Variants in SLC25A36 observed in about 807,000 individuals in gnomAD.
The protein encoded by SLC25A36 is epididymis secretory sperm binding protein.
In SLC25A36, 24 loss-of-function variants were observed where a neutral mutation model predicts 35.3. That is an observed-to-expected ratio of 0.68 (90% confidence interval 0.49 to 0.96). The LOEUF is 0.96. Among genes scored for constraint, SLC25A36 ranks in the 40% least tolerant of loss-of-function variants. The pLI, the probability that SLC25A36 is intolerant of heterozygous loss-of-function variation, is 0.00. For missense variants in SLC25A36, 294 were observed against 381.1 expected (o/e 0.77, Z 1.90); for synonymous variants, 141 against 132.2 (o/e 1.07, Z -0.46).
chr3:140,963,683 G>A (rs936641422), intron 4 of SLC25A36: 2 of 154,788 alleles, frequency 1.3e-5, no homozygotes, highest in African/African-American at 4.8e-5. Flanking sequence ...AAATTTTTGT[G>A]AGTGATGTAT....
chr3:140,979,767 T>C lies in SLC25A36; in HGVS notation c.*3314T>C, dbSNP rs1935142242. 1 of 152,176 alleles carries C rather than the reference T, an allele frequency of 6.6e-6. No individual in the cohort carries two copies. The highest frequency in any genetic ancestry group is 6.5e-5 in the Admixed American group (1 of 15,278). 9.4% of individuals were successfully genotyped at this position (152,176 alleles called of 1,614,324 possible). A position where few individuals can be genotyped will look rare whatever the true frequency, so the allele number is the denominator to read the frequency against. On this transcript the variant is annotated 3_prime_UTR_variant, in exon 7 of 7. Coordinates refer to ENST00000324194, the MANE Select transcript of SLC25A36 (RefSeq NM_001104647.3). The stretch of plus-strand genomic sequence containing the variant: ...GTGAAGAATTATGACCTATCAGTCA[T>C]AGCTAAATAGTGAACCTCAAAAGTG...
At chr3:140,946,517 A>G (rs1424419758) in intron 1 of SLC25A36, among the ~76,000 whole-genome samples, 1 of 152,238 alleles carries the variant, frequency 6.6e-6, no homozygotes, top group African/African-American at 2.4e-5. Context: ...GGCTATTTCA[A>G]TAATCCACTT....
rs570119900 is a variant in SLC25A36 at position 140,977,355 on chromosome 3, T to G, written c.*902T>G. On this transcript the variant is annotated 3_prime_UTR_variant, in exon 7 of 7. Transcript: ENST00000324194. ...CTTTCACATTAAGAATTTGAACTTT[T>G]GAGTTTTTTCCAGGTCTATATATAA... is the stretch of plus-strand genomic sequence containing the variant. The G allele has an allele frequency of 5.3e-5, 8 of 152,324 alleles. No individual in the cohort carries two copies. Among genetic ancestry groups the G allele is most frequent in the South Asian group, 2.1e-4 (1 of 4,828 alleles). The allele number at this position is 152,324 out of a possible 1,614,324, so 9.4% of individuals were successfully genotyped here. A position where few individuals can be genotyped will look rare whatever the true frequency, so the allele number is the denominator to read the frequency against.
intron 1 of SLC25A36, among the ~76,000 whole-genome samples, chr3:140,950,285 C>T (rs1391547263): frequency 6.6e-6 from 1 of 151,688 alleles, no homozygotes; most frequent in Non-Finnish European, 1.5e-5. Context: ...TAATAATTGC[C>T]TCCATTAAAA....
chr3:140,949,939 A>G (rs1934273269), intron 1 of SLC25A36, among the ~76,000 whole-genome samples: 1 of 152,246 alleles, frequency 6.6e-6, no homozygotes, highest in Admixed American at 6.5e-5. Context: ...ATCAGAGGGA[A>G]GTAAGACCAG....
intron 4 of SLC25A36, chr3:140,963,975 G>A (rs757229032): frequency 3.3e-5 from 5 of 151,886 alleles, no homozygotes; most frequent in East Asian, 1.9e-4. Flanking sequence ...ACAAAGCCAC[G>A]AACTTTGATT....
At chr3:140,963,361 T>C in intron 4 of SLC25A36, 134 bp downstream of exon 4, 1 of 614,396 alleles carries the variant, frequency 1.6e-6, no homozygotes, top group Non-Finnish European at 2.7e-6. Flanking sequence ...CGTTTATCGA[T>C]ATAAACCAAA....
chr3:140,961,843 G>A (rs976776628), intron 3 of SLC25A36, among the ~76,000 whole-genome samples: 8 of 114,868 alleles, frequency 7.0e-5, no homozygotes, highest in Admixed American at 5.9e-4. Flanking sequence ...GCAAAAGAGC[G>A]AGGCTCCGTC....
rs770871800 is a variant in SLC25A36 at position 140,942,090 on chromosome 3, C to G, written c.36C>G (p.Ala12=). The G allele has an allele frequency of 1.8e-5, 27 of 1,470,208 alleles. No homozygotes were observed. Among genetic ancestry groups the G allele is most frequent in the Non-Finnish European group, 2.3e-5 (25 of 1,094,516 alleles). 91.1% of individuals were successfully genotyped at this position (1,470,208 alleles called of 1,614,324 possible). ...GGGACACGCTGGTGCATCTGTTTGC[C>G]GGAGGGTAAGGTCCTGGCGGGGCGT... is the stretch of plus-strand genomic sequence containing the variant. ...SQRDTLVHLF[A]GGCGGTVGAI... Residue 12 remains alanine, a synonymous_variant, in exon 1 of 7, where the codon GCC becomes GCG. Transcript: ENST00000324194.
At chr3:140,972,741 A>C (rs996453849) in intron 5 of SLC25A36, 2 of 152,202 alleles carry the variant, frequency 1.3e-5, no homozygotes, top group Non-Finnish European at 2.9e-5. Flanking sequence ...AACTAGTTAC[A>C]GTTGGTTTGT....
chr3:140,953,944 T>G (rs1207831706), intron 1 of SLC25A36, among the ~76,000 whole-genome samples: 1 of 152,198 alleles, frequency 6.6e-6, no homozygotes, highest in Non-Finnish European at 1.5e-5. Flanking sequence ...CACTCCAGCC[T>G]TGGTGACAGA....
chr3:140,976,227 A>C lies in SLC25A36; in HGVS notation c.743-33A>C, dbSNP rs773243523. 4.4e-6 allele frequency: 6 copies of C among 1,361,930 alleles called. No homozygotes were observed. In the Admixed American group the frequency reaches 7.5e-5, roughly 17 times the overall value. 84.4% of individuals were successfully genotyped at this position (1,361,930 alleles called of 1,614,324 possible). A position where few individuals can be genotyped will look rare whatever the true frequency, so the allele number is the denominator to read the frequency against. The stretch of plus-strand genomic sequence containing the variant: ...ATAATTAGAAGAGTGTAAAGATATC[A>C]GTAATGTTTAATTTTATTTCTTTCC... On this transcript the variant is annotated intron_variant, in intron 6 of 6. Coordinates refer to ENST00000324194, the MANE Select transcript of SLC25A36 (RefSeq NM_001104647.3).
At position 140,968,781 on chromosome 3, in the gene SLC25A36, A is replaced by G. The variant is rs936148600; in HGVS notation, c.386-2146A>G. 3.1e-5 allele frequency: 27 copies of G among 869,322 alleles called. No individual in the cohort carries two copies. In the African/African-American group the frequency reaches 4.7e-4, roughly 15 times the overall value. The allele number at this position is 869,322 out of a possible 1,614,324, so 53.9% of individuals were successfully genotyped here. On this transcript the variant is annotated intron_variant, in intron 4 of 6. Transcript: ENST00000324194. ...GAAGTAGAACTTTTATTTAAAAAAA[A>G]AAAAACTTAGGTGCTCATCTTCTTT...
rs189112342 is a variant in SLC25A36 at position 140,977,416 on chromosome 3, T to G, written c.*963T>G. The G allele has an allele frequency of 8.5e-5, 13 of 152,316 alleles. No individual in the cohort carries two copies. The East Asian group carries it at 2.3e-3, about 27-fold the overall frequency. 9.4% of individuals were successfully genotyped at this position (152,316 alleles called of 1,614,324 possible). Reference sequence around the variant, plus strand: ...TTATTTTGTAAAGAAAATAGTAATTTAAAGTTTTGCCATTTTAAGGTGACA... The same window carrying G: ...TTATTTTGTAAAGAAAATAGTAATTGAAAGTTTTGCCATTTTAAGGTGACA... On this transcript the variant is annotated 3_prime_UTR_variant, in exon 7 of 7. Transcript: ENST00000324194.
In SLC25A36 at chr3:140,976,285, A is replaced by G. The variant is rs1277433115; in HGVS notation, c.768A>G (p.Glu256=). 6.2e-7 allele frequency: 1 copy of G among 1,610,094 alleles called. No individual in the cohort carries two copies. Residue 256 remains glutamate, a synonymous_variant, in exon 7 of 7, where the codon GAA becomes GAG. Coordinates refer to ENST00000324194, the MANE Select transcript of SLC25A36 (RefSeq NM_001104647.3). ...PHEVVRTRLR[E]EGTKYRSFFQ... ...AAGTTGTAAGAACAAGACTACGTGA[A>G]GAGGGAACAAAATACAGATCTTTTT...
intron 5 of SLC25A36, chr3:140,972,818 A>G (rs1934940708): frequency 6.6e-6 from 1 of 152,154 alleles, no homozygotes; most frequent in Non-Finnish European, 1.5e-5. Flanking sequence ...TGGAATCTGT[A>G]GGTAATTAAG....
At chr3:140,946,475 G>A (rs769468415) in intron 1 of SLC25A36, among the ~76,000 whole-genome samples, 2 of 152,192 alleles carry the variant, frequency 1.3e-5, no homozygotes, top group Non-Finnish European at 2.9e-5. Context: ...TAGACTATGC[G>A]TGGGACAGGG....
intron 2 of SLC25A36, among the ~76,000 whole-genome samples, chr3:140,958,995 TGTGTGTGTGTGTG>T: frequency 6.8e-6 from 1 of 148,058 alleles, no homozygotes; most frequent in African/African-American, 2.5e-5. Context: ...TGTGTGTGTG[TGTGTGTGTGTGTG>T]TTTTCTTTTT....
chr3:140,954,565 T>C (rs1934426306), intron 1 of SLC25A36, among the ~76,000 whole-genome samples: 4 of 152,252 alleles, frequency 2.6e-5, no homozygotes, highest in Admixed American at 2.6e-4. Context: ...TTTTTAATTC[T>C]AGCCATTTAA....
Sources: allele counts gnomAD v4.1 joint callset (sites outside exome capture counted in the v4.1 genomes callset), GRCh38; gene constraint gnomAD v4.1.1; transcripts MANE v1.5; gene names NCBI Gene and HGNC (gene_info 2026-07-23, HGNC 2026-07-21).